Variants in TTN observed in about 807,000 individuals in gnomAD.
TTN encodes the protein titin.
In TTN, 1,525 loss-of-function variants were observed where a neutral mutation model predicts 3,223.0. The ratio of observed to expected loss-of-function variants is 0.47; its 90% CI spans 0.45 to 0.49. The LOEUF (loss-of-function observed/expected upper bound fraction) is 0.49. Among genes scored for constraint, TTN ranks in the 20% least tolerant of loss-of-function variants. The pLI, the probability that TTN is intolerant of heterozygous loss-of-function variation, is 0.00. For missense variants in TTN, 40,786 were observed against 43,424.0 expected (o/e 0.94, Z 5.40); for synonymous variants, 14,094 against 15,161.0 (o/e 0.93, Z 5.17).
intron 143 of TTN, 21 bp downstream of exon 143, chr2:178,678,726 C>T (rs1053074564): frequency 1.3e-6 from 2 of 1,596,500 alleles, no homozygotes; most frequent in Non-Finnish European, 1.7e-6. Context: ...AAAAATATTG[C>T]AACATTGCAA....
At chr2:178,768,270 C>A in intron 38 of TTN, 115 bp from the exon 39 acceptor site, 1 of 1,279,214 alleles carries the variant, frequency 7.8e-7, no homozygotes. Context: ...TCCATGTATT[C>A]ATCATTGTGT....
chr2:178,603,224 T>C (rs2053913940), intron 282 of TTN, among the ~76,000 whole-genome samples: 1 of 152,048 alleles, frequency 6.6e-6, no homozygotes, highest in East Asian at 1.9e-4. Context: ...CCTCATTATA[T>C]AGGTATATAT....
intron 236 of TTN, 133 bp downstream of exon 236, chr2:178,632,014 T>C: frequency 1.1e-6 from 1 of 921,778 alleles, no homozygotes. Flanking sequence ...CCTGATTACA[T>C]ATGTGATAGC....
intron 10 of TTN, 122 bp downstream of exon 10, chr2:178,791,950 A>G (rs2093527475): frequency 9.2e-7 from 1 of 1,085,192 alleles, no homozygotes; most frequent in Non-Finnish European, 1.3e-6. Flanking sequence ...ATAGAGGAAC[A>G]ATAACAAAAA....
At chr2:178,749,935 A>G (rs1319789357) in intron 47 of TTN, 1 of 1,613,210 alleles carries the variant, frequency 6.2e-7, no homozygotes. Flanking sequence ...TTGGTGGTTC[A>G]TTAGTAATAT....
Position 178,719,750 on chromosome 2 carries a change from T to G in TTN, c.23742A>C (p.Gly7914=), listed in dbSNP as rs760103321. 2 of 1,613,562 alleles carry G rather than the reference T, an allele frequency of 1.2e-6. No homozygotes were observed. Among genetic ancestry groups the G allele is most frequent in the African/African-American group, 2.7e-5 (2 of 74,916 alleles). Reference sequence around the variant, plus strand: ...ACCACTTGGCTGAGAGTTCTGGTGTTCCAGTCACTACACACTCTAATGCAA... The same window carrying G: ...ACCACTTGGCTGAGAGTTCTGGTGTGCCAGTCACTACACACTCTAATGCAA... ...NPFALECVVT[G]TPELSAKWFK... The change falls in exon 82 of 363, where the codon GGA becomes GGC. Residue 7914 remains glycine (G), a synonymous_variant. Coordinates refer to ENST00000589042, the MANE Select transcript of TTN (RefSeq NM_001267550.2).
Position 178,744,389 on chromosome 2 carries a change from C to T in TTN, c.11312-2468G>A, listed in dbSNP as rs1414241231. 13 of 984,334 alleles carry T rather than the reference C, an allele frequency of 1.3e-5. No individual in the cohort carries two copies. The East Asian group carries it at 1.0e-3, about 77-fold the overall frequency. The allele number at this position is 984,334 out of a possible 1,614,324, so 61.0% of individuals were successfully genotyped here. ...TCACCTCTAAGGTCTTTTGGTCCTACCCTTCATTTTCAGAATTTTTTATAT... is the reference window on the plus strand; with the variant it reads ...TCACCTCTAAGGTCTTTTGGTCCTATCCTTCATTTTCAGAATTTTTTATAT... On this transcript the variant is annotated intron_variant, in intron 47 of 362. Transcript: ENST00000589042.
rs1309847169 is a variant in TTN, at chr2:178,610,988, A to G, written c.51136+5T>C. 1.9e-6 allele frequency: 3 copies of G among 1,610,448 alleles called. No individual in the cohort carries two copies. In the African/African-American group the frequency reaches 4.0e-5, roughly 22 times the overall value. ...ATGTCTGGTTTTTCTTCAAAGAATG[A>G]TTACCTATGACTTTGACATTGATTG... On this transcript the variant is annotated splice_donor_5th_base_variant and intron_variant, in intron 270 of 362. Transcript: ENST00000589042.
chr2:178,710,601 A>C, intron 98 of TTN, 34 bp downstream of exon 98: 1 of 1,580,978 alleles, frequency 6.3e-7, no homozygotes. Flanking sequence ...AAATGATTAC[A>C]CTTTTGTTGG....
rs2154198655 is a variant in TTN, at chr2:178,609,750, C to G, written c.51673G>C (p.Glu17225Gln). ...GGTTCACTAATACCCGCGGCGTTCTCTGCTCGCACACGGAATTGGTACTCT... is the reference window on the plus strand; with the variant it reads ...GGTTCACTAATACCCGCGGCGTTCTGTGCTCGCACACGGAATTGGTACTCT... ...GKEYQFRVRA[E>Q]NAAGISEPSR... is the part of the protein sequence containing the mutation. The change falls in exon 272 of 363, where the codon GAG becomes CAG. Residue 17225 changes from glutamate to glutamine, a missense_variant. Coordinates refer to ENST00000589042, the MANE Select transcript of TTN (RefSeq NM_001267550.2). The G allele has an allele frequency of 6.2e-7, 1 of 1,612,594 alleles. No individual in the cohort carries two copies. The highest frequency in any genetic ancestry group is 1.7e-4 in the Middle Eastern group (1 of 6,046).
chr2:178,608,976 G>A lies in TTN; in HGVS notation c.52103-68C>T. 3.9e-6 allele frequency: 6 copies of A among 1,541,848 alleles called. No homozygotes were observed. In the Middle Eastern group the frequency reaches 1.1e-3, roughly 286 times the overall value. On this transcript the variant is annotated intron_variant, in intron 273 of 362. Transcript: ENST00000589042. ...AAGGGTTGCTATGGAAAATATAAAT[G>A]TGAGCATGCTCCTCTGACATGATTT...
In TTN at chr2:178,731,989, T is replaced by C. The variant is rs760411188; in HGVS notation, c.16904-18A>G. On this transcript the variant is annotated intron_variant, in intron 57 of 362. Transcript: ENST00000589042. Reference sequence around the variant, plus strand: ...AGGTGACTCTACAGTAAAAAAGGAATGATTTGCATTAAGGGAGGAGGGGTC... The same window carrying C: ...AGGTGACTCTACAGTAAAAAAGGAACGATTTGCATTAAGGGAGGAGGGGTC... The C allele has an allele frequency of 3.1e-6, 5 of 1,594,448 alleles. No homozygotes were observed. In the South Asian group the frequency reaches 4.5e-5, roughly 14 times the overall value.
chr2:178,747,441 A>C, intron 47 of TTN: 10 of 1,613,354 alleles, frequency 6.2e-6, no homozygotes, highest in Non-Finnish European at 8.5e-6. Context: ...GGGGTATAAA[A>C]CTGATCTAAC....
intron 47 of TTN, chr2:178,745,026 C>G (rs900124874): frequency 4.0e-5 from 39 of 985,998 alleles, no homozygotes; most frequent in Non-Finnish European, 4.7e-5. Flanking sequence ...AAATGTCAAA[C>G]AGATTATAGA....
Position 178,599,293 on chromosome 2 carries a change from G to T in TTN, c.56500C>A (p.His18834Asn). 1 of 1,606,830 alleles carries T rather than the reference G, an allele frequency of 6.2e-7. No individual in the cohort carries two copies. The highest frequency in any genetic ancestry group is 8.5e-7 in the Non-Finnish European group (1 of 1,177,366). ...CACTCCTTAGGTTCACTGGAGACAT[G>T]GACCCATGTCTTCCTGTTAGCTTCT... ...KREANRKTWVHVSSEPKECTY... is the reference protein window; with the variant it reads ...KREANRKTWVNVSSEPKECTY... Residue 18834 changes from histidine (H) to asparagine (N), a missense_variant, in exon 290 of 363, where the codon CAT becomes AAT. Transcript: ENST00000589042.
In TTN at chr2:178,546,590, T is replaced by C. The variant is rs998713412; in HGVS notation, c.94828+10A>G. On this transcript the variant is annotated intron_variant, in intron 341 of 362. Transcript: ENST00000589042. ...TAATTTTAAAAAGGAGAATGTTGACTATTTCCTACCGTATTCATCTCGGCA... is the reference window on the plus strand; with the variant it reads ...TAATTTTAAAAAGGAGAATGTTGACCATTTCCTACCGTATTCATCTCGGCA... 1.2e-6 allele frequency: 2 copies of C among 1,601,562 alleles called. No individual in the cohort carries two copies. Among genetic ancestry groups the C allele is most frequent in the African/African-American group, 2.7e-5 (2 of 74,548 alleles).
chr2:178,713,369 C>G lies in TTN; in HGVS notation c.26765G>C (p.Arg8922Pro). The G allele has an allele frequency of 6.7e-7, 1 of 1,502,216 alleles. No homozygotes were observed. Among genetic ancestry groups the G allele is most frequent in the Non-Finnish European group, 8.9e-7 (1 of 1,125,996 alleles). The allele number at this position is 1,502,216 out of a possible 1,614,324, so 93.1% of individuals were successfully genotyped here. Reference sequence around the variant, plus strand: ...TCTTGTGAATGAAGGAGGAACGGTTCGGTCTGAATGATACAAAACAAAACA... The same window carrying G: ...TCTTGTGAATGAAGGAGGAACGGTTGGGTCTGAATGATACAAAACAAAACA... ...SCTASLQVSD[R>P]TVPPSFTRKL... Residue 8922 changes from arginine to proline, a missense_variant, in exon 93 of 363, where the codon CGA (arginine) becomes CCA (proline). Arg to Pro is a moderately radical substitution (Grantham distance 103). Coordinates refer to ENST00000589042, the MANE Select transcript of TTN (RefSeq NM_001267550.2).
chr2:178,636,852 A>G lies in TTN; in HGVS notation c.40928-53T>C. ...TTTGGCATCTCCTTAGGAGTCAGAAAGTTCATACTTGGCTGCCTGCTGGAT... is the reference window on the plus strand; with the variant it reads ...TTTGGCATCTCCTTAGGAGTCAGAAGGTTCATACTTGGCTGCCTGCTGGAT... On this transcript the variant is annotated intron_variant, in intron 224 of 362. Transcript: ENST00000589042. This position sits in a 1 kb window ranked among gnomAD's most constrained non-coding sequence, Gnocchi z 4.3. The G allele has an allele frequency of 1.3e-6, 2 of 1,503,956 alleles. No individual in the cohort carries two copies. The highest frequency in any genetic ancestry group is 1.4e-5 in the South Asian group (1 of 72,182). 93.2% of individuals were successfully genotyped at this position (1,503,956 alleles called of 1,614,324 possible). A position where few individuals can be genotyped will look rare whatever the true frequency, so the allele number is the denominator to read the frequency against.
In TTN at chr2:178,608,417, A is replaced by C. The variant is rs1337777235; in HGVS notation, c.52466T>G (p.Val17489Gly). ...VEDVTSNSML[V>G]KWNEPKDNGS... Reference sequence around the variant, plus strand: ...ATTATCTTTTGGTTCATTCCATTTCACTAGCATACTGTTGCTGGTAACATC... The same window carrying C: ...ATTATCTTTTGGTTCATTCCATTTCCCTAGCATACTGTTGCTGGTAACATC... The change falls in exon 275 of 363, where the codon GTG becomes GGG. Residue 17489 changes from valine (V) to glycine (G), a missense_variant. Transcript: ENST00000589042. 6.2e-7 allele frequency: 1 copy of C among 1,609,658 alleles called. No homozygotes were observed. Among genetic ancestry groups the C allele is most frequent in the Non-Finnish European group, 8.5e-7 (1 of 1,177,754 alleles).
Sources: gnomAD v4.1 joint callset for allele counts (sites outside exome capture counted in the v4.1 genomes callset) on GRCh38, gnomAD v4.1.1 for gene constraint, Gnocchi (gnomAD v3.1) non-coding constraint, MANE v1.5 for transcripts, NCBI Gene and HGNC (gene_info 2026-07-23, HGNC 2026-07-21) for gene names.